The following RFLNA variants were observed in gnomAD, a reference collection of about 807,000 sequenced individuals.
RFLNA encodes the protein refilin-A.
Under a neutral mutation model 7.8 loss-of-function variants are expected in RFLNA, and 5 were observed. The ratio of observed to expected loss-of-function variants is 0.64; its 90% confidence interval spans 0.34 to 1.35. The LOEUF (loss-of-function observed/expected upper bound fraction) is 1.35, where lower values mean the gene tolerates loss of function less well. Ranked by LOEUF, RFLNA falls within the 40% of genes most tolerant of loss-of-function variation. The probability of loss-of-function intolerance (pLI) is 0.04; values close to 1 mark genes in which losing one functional copy is unlikely to be tolerated. For missense variants in RFLNA, 278 were observed against 305.5 expected (o/e 0.91, Z 0.67); for synonymous variants, 141 against 131.3 (o/e 1.07, Z -0.50).
Position 124,306,676 on chromosome 12 carries a change from A to G in RFLNA, c.208-5142A>G, listed in dbSNP as rs2135686496. ...TGTGGAAAATGGGGGTGCTGCCAGC[A>G]GCTGCGTGCTGGGGTTTTTTATAAG... is the stretch of plus-strand genomic sequence containing the variant. On this transcript the variant is annotated intron_variant, in intron 1 of 2. Transcript: ENST00000546355. This position sits in a 1 kb window ranked among gnomAD's most constrained non-coding sequence, Gnocchi z 5.2. Among the ~76,000 whole-genome samples, 1 of 152,312 alleles carries G rather than the reference A, an allele frequency of 6.6e-6. No individual in the cohort carries two copies. The highest frequency in any genetic ancestry group is 2.1e-4 in the South Asian group (1 of 4,830).
intron 1 of RFLNA, among the ~76,000 whole-genome samples, chr12:124,304,150 T>C (rs896058408): frequency 5.3e-5 from 8 of 152,236 alleles, no homozygotes; most frequent in Non-Finnish European, 8.8e-5. Context: ...CGTTTCGATG[T>C]TCGAATAGCC....
chr12:124,304,818 C>T (rs73417871), intron 1 of RFLNA, among the ~76,000 whole-genome samples: 2,319 of 152,318 alleles, frequency 0.015, 47 homozygotes, highest in African/African-American at 0.05. Context: ...TGGTGTCGTC[C>T]TCTCTCCTCC....
chr12:124,292,898 A>T (rs2033845285), upstream of RFLNA, among the ~76,000 whole-genome samples: 2 of 152,248 alleles, frequency 1.3e-5, no homozygotes, highest in African/African-American at 4.8e-5. Context: ...AAATGGATGC[A>T]AACAGTTCAA....
chr12:124,312,864 C>T (rs554921704), intron 2 of RFLNA, among the ~76,000 whole-genome samples: 17 of 152,348 alleles, frequency 1.1e-4, no homozygotes, highest in African/African-American at 3.4e-4. Context: ...GAACATCCCA[C>T]ATCGATTTGC....
At chr12:124,298,231 C>G (rs1349188665) in intron 1 of RFLNA, among the ~76,000 whole-genome samples, 3 of 152,242 alleles carry the variant, frequency 2.0e-5, no homozygotes. Flanking sequence ...CACCTTGTCA[C>G]CTACTTTAGG....
At chr12:124,302,991 G>A (rs1314516227) in intron 1 of RFLNA, among the ~76,000 whole-genome samples, 1 of 152,172 alleles carries the variant, frequency 6.6e-6, no homozygotes, top group African/African-American at 2.4e-5. Flanking sequence ...GGGGAGGGGG[G>A]GCTCTGGGTA....
At chr12:124,299,452 C>T (rs2033988564) in intron 1 of RFLNA, among the ~76,000 whole-genome samples, 1 of 152,240 alleles carries the variant, frequency 6.6e-6, no homozygotes. Context: ...GGTGCACCCA[C>T]CACCCAAGCA....
rs12318072 is a variant in RFLNA at position 124,314,255 on chromosome 12, C to G, written c.381C>G (p.Pro127=). 6.2e-7 allele frequency: 1 copy of G among 1,613,344 alleles called. No homozygotes were observed. Among genetic ancestry groups the G allele is most frequent in the Non-Finnish European group, 8.5e-7 (1 of 1,180,002 alleles). ...TCCAGGACAAGGTCTTCTATGCGCC[C>G]GTACCCACCGTCACGGCCTACAGCG... ...KHFQDKVFYA[P]VPTVTAYSET... The change falls in exon 3 of 3, where the codon CCC becomes CCG. Residue 127 remains proline, a synonymous_variant. Coordinates refer to ENST00000546355, the MANE Select transcript of RFLNA (RefSeq NM_001365156.1).
intron 2 of RFLNA, among the ~76,000 whole-genome samples, chr12:124,313,248 G>T (rs926322771): frequency 2.0e-5 from 3 of 152,142 alleles, no homozygotes; most frequent in Admixed American, 6.5e-5. Flanking sequence ...AGATGGGGAG[G>T]ATTCTCTCCT....
At chr12:124,308,099 A>G (rs2034169437) in intron 1 of RFLNA, among the ~76,000 whole-genome samples, 1 of 151,370 alleles carries the variant, frequency 6.6e-6, no homozygotes, top group Non-Finnish European at 1.5e-5. Context: ...CTCCTGCCTC[A>G]GCGTCCCTAG....
chr12:124,314,241 G>T lies in RFLNA; in HGVS notation c.367G>T (p.Val123Phe). ...CTCGGAGAAGCATTTCCAGGACAAG[G>T]TCTTCTATGCGCCCGTACCCACCGT... is the stretch of plus-strand genomic sequence containing the variant. ...YASEKHFQDK[V>F]FYAPVPTVTA... is the part of the protein sequence containing the mutation. The change falls in exon 3 of 3, where the codon GTC (valine) becomes TTC (phenylalanine). Residue 123 changes from valine (V) to phenylalanine (F), a missense_variant. By Grantham distance (50) the Val-to-Phe change is conservative. Transcript: ENST00000546355. The T allele has an allele frequency of 6.2e-7, 1 of 1,613,514 alleles. No homozygotes were observed. Among genetic ancestry groups the T allele is most frequent in the East Asian group, 2.2e-5 (1 of 44,880 alleles).
chr12:124,310,050 G>A (rs992734070), intron 1 of RFLNA, among the ~76,000 whole-genome samples: 1 of 151,766 alleles, frequency 6.6e-6, no homozygotes, highest in Admixed American at 6.6e-5. Context: ...GCATGCACCT[G>A]TAGTGCCAGC....
rs2033780266 is a variant in RFLNA at position 124,289,200 on chromosome 12, A to G, written c.-207A>G. On this transcript the variant is annotated 5_prime_UTR_variant, in exon 1 of 3. Transcript: ENST00000324038. This position sits in a 1 kb window ranked among gnomAD's most constrained non-coding sequence, Gnocchi z 5.0. ...CTGATTTTATCCCTGCCCTGGCTTA[A>G]TTAAGTGCTCTGAAGACATAAATAG... 6.6e-6 allele frequency: 1 copy of G among 152,174 alleles called. No individual in the cohort carries two copies. Among genetic ancestry groups the G allele is most frequent in the South Asian group, 2.1e-4 (1 of 4,824 alleles). The allele number at this position is 152,174 out of a possible 1,614,324, so 9.4% of individuals were successfully genotyped here.
At chr12:124,295,749 C>A in intron 1 of RFLNA, 113 bp downstream of exon 1, 2 of 1,076,310 alleles carry the variant, frequency 1.9e-6, no homozygotes, top group Non-Finnish European at 2.4e-6. Flanking sequence ...CTCTACCTGC[C>A]CCGCAACCAC....
upstream of RFLNA, among the ~76,000 whole-genome samples, chr12:124,291,634 G>A (rs1319933545): frequency 6.6e-6 from 1 of 152,188 alleles, no homozygotes; most frequent in Non-Finnish European, 1.5e-5. Flanking sequence ...TCTGTAAGCT[G>A]CCCAGGAATG....
intron 2 of RFLNA, among the ~76,000 whole-genome samples, chr12:124,312,971 G>A (rs929463601): frequency 6.6e-6 from 1 of 152,126 alleles, no homozygotes; most frequent in Non-Finnish European, 1.5e-5. Context: ...CCATCCACTC[G>A]TCCCTGTTGA....
In RFLNA at chr12:124,295,583, G is replaced by T; in HGVS notation, c.154G>T (p.Ala52Ser). 1.6e-6 allele frequency: 2 copies of T among 1,232,596 alleles called. No individual in the cohort carries two copies. The highest frequency in any genetic ancestry group is 2.0e-6 in the Non-Finnish European group (2 of 986,512). The allele number at this position is 1,232,596 out of a possible 1,614,324, so 76.4% of individuals were successfully genotyped here. A position where few individuals can be genotyped will look rare whatever the true frequency, so the allele number is the denominator to read the frequency against. ...GGCGCCCGGCATCCTCGACGCGCGC[G>T]CGGGGGGCGCCGGCGCCTCCTCGGA... ...SLAPGILDARAGGAGASSEPP... is the reference protein window; with the variant it reads ...SLAPGILDARSGGAGASSEPP... Residue 52 changes from alanine (A) to serine (S), a missense_variant, in exon 1 of 3, where the codon GCG (alanine) becomes TCG (serine). By Grantham distance (99) the Ala-to-Ser change is moderately conservative. Transcript: ENST00000546355.
Position 124,314,819 on chromosome 12 carries a change from CAG to C in RFLNA, c.*295_*296del. ...GTTAGGTGGTGGCCACCCCCAGGGT[CAG>C]GGGAAAAGAATGGGTCCATGGAGTG... On this transcript the variant is annotated 3_prime_UTR_variant, in exon 3 of 3. Transcript: ENST00000546355. 1.6e-6 allele frequency: 1 copy of C among 612,318 alleles called. No homozygotes were observed. The highest frequency in any genetic ancestry group is 3.1e-6 in the Non-Finnish European group (1 of 327,612). The allele number at this position is 612,318 out of a possible 1,614,324, so 37.9% of individuals were successfully genotyped here. A position where few individuals can be genotyped will look rare whatever the true frequency, so the allele number is the denominator to read the frequency against.
At chr12:124,307,829 A>G (rs952279193) in intron 1 of RFLNA, among the ~76,000 whole-genome samples, 4 of 152,152 alleles carry the variant, frequency 2.6e-5, no homozygotes, top group East Asian at 3.9e-4. Flanking sequence ...CAGAGTTCCA[A>G]TCGAGGTGTG....
Sources: allele counts gnomAD v4.1 joint callset (sites outside exome capture counted in the v4.1 genomes callset), GRCh38; gene constraint gnomAD v4.1.1; non-coding constraint Gnocchi (gnomAD v3.1); transcripts MANE v1.5; gene names NCBI Gene and HGNC (gene_info 2026-07-23, HGNC 2026-07-21).